The following FER variants were observed in gnomAD, a reference collection of about 807,000 sequenced individuals.
The protein encoded by FER is tyrosine-protein kinase Fer.
FER carries 63 observed loss-of-function variants against 111.0 expected under a neutral mutation model. The ratio of observed to expected loss-of-function variants is 0.57; its 90% CI spans 0.46 to 0.70. The LOEUF (loss-of-function observed/expected upper bound fraction) is 0.70, where lower values mean the gene tolerates loss of function less well. Ranked by LOEUF, FER falls within the 30% of genes least tolerant of loss-of-function variation. The pLI is 0.00. For missense variants in FER, 914 were observed against 954.0 expected (o/e 0.96, Z 0.55); for synonymous variants, 327 against 313.9 (o/e 1.04, Z -0.44).
intron 16 of FER, chr5:109,051,281 G>A (rs1395862028): frequency 7.3e-7 from 1 of 1,364,996 alleles, no homozygotes; most frequent in Non-Finnish European, 1.0e-6. Context: ...CTCCACAAGT[G>A]AGAGGAATCT....
intron 16 of FER, among the ~76,000 whole-genome samples, chr5:109,067,430 GT>G (rs1036146434): frequency 2.0e-5 from 3 of 151,940 alleles, no homozygotes; most frequent in Admixed American, 2.0e-4. Flanking sequence ...GTTTAGTTCT[GT>G]TTTTATCCTT....
intron 3 of FER, among the ~76,000 whole-genome samples, chr5:108,801,934 T>C (rs1756698827): frequency 6.6e-6 from 1 of 152,216 alleles, no homozygotes; most frequent in African/African-American, 2.4e-5. Context: ...AATATTCAAG[T>C]AGCATATACA....
At chr5:108,976,473 C>T (rs565665257) in intron 13 of FER, among the ~76,000 whole-genome samples, 1 of 152,168 alleles carries the variant, frequency 6.6e-6, no homozygotes, top group Non-Finnish European at 1.5e-5. Context: ...TGTTCCCTTT[C>T]CTTTAGCCAC....
At chr5:109,002,807 T>C (rs1303325656) in intron 13 of FER, among the ~76,000 whole-genome samples, 1 of 152,138 alleles carries the variant, frequency 6.6e-6, no homozygotes, top group Admixed American at 6.6e-5. Flanking sequence ...GGGCGAAGGA[T>C]ATGAACAGAC....
intron 2 of FER, among the ~76,000 whole-genome samples, chr5:108,797,591 T>G (rs1377855265): frequency 6.6e-6 from 1 of 152,226 alleles, no homozygotes; most frequent in Admixed American, 6.5e-5. Context: ...GTGCACCATG[T>G]GGCCACTGCT....
chr5:108,877,119 G>T (rs1765166800), intron 8 of FER, among the ~76,000 whole-genome samples: 2 of 152,112 alleles, frequency 1.3e-5, no homozygotes, highest in African/African-American at 4.8e-5. Context: ...AATCAACCTT[G>T]TATTTAATGG....
chr5:108,951,741 G>A (rs1757781185), intron 11 of FER, among the ~76,000 whole-genome samples: 1 of 151,836 alleles, frequency 6.6e-6, no homozygotes, highest in Non-Finnish European at 1.5e-5. Context: ...TTTTCAAAAT[G>A]GTTTATTGTG....
At chr5:108,756,227 G>A (rs970455796) in intron 1 of FER, among the ~76,000 whole-genome samples, 1 of 150,928 alleles carries the variant, frequency 6.6e-6, no homozygotes, top group Admixed American at 6.6e-5. Flanking sequence ...ACTTTCTCTT[G>A]AATTATTTTT....
chr5:109,181,156 CA>C (rs977993729), intron 18 of FER, among the ~76,000 whole-genome samples: 11 of 149,138 alleles, frequency 7.4e-5, no homozygotes, highest in Non-Finnish European at 8.9e-5. Context: ...GTTTTTATAC[CA>C]AAAAAAAATG....
At chr5:108,749,729 C>G (rs1750242831) in intron 1 of FER, among the ~76,000 whole-genome samples, 1 of 152,180 alleles carries the variant, frequency 6.6e-6, no homozygotes, top group Non-Finnish European at 1.5e-5. Context: ...TCGGTAATTT[C>G]TGCTCTGTGG....
intron 10 of FER, among the ~76,000 whole-genome samples, chr5:108,929,403 C>G (rs1581242517): frequency 6.6e-6 from 1 of 152,116 alleles, no homozygotes; most frequent in South Asian, 2.1e-4. Context: ...TAAGTCAATT[C>G]CTATCTCACC....
intron 13 of FER, among the ~76,000 whole-genome samples, chr5:109,035,033 C>CT (rs554716544): frequency 0.087 from 10,388 of 119,642 alleles, 570 homozygotes; most frequent in East Asian, 0.12. Context: ...AGAAATTGAA[C>CT]TTTTTTTTTT....
At chr5:109,016,056 G>A (rs146492787) in intron 13 of FER, among the ~76,000 whole-genome samples, 96 of 152,066 alleles carry the variant, frequency 6.3e-4, no homozygotes, top group African/African-American at 2.2e-3. Flanking sequence ...GAGAACAAAG[G>A]CACCAGGAGC....
chr5:108,863,937 G>A (rs1027299047), intron 5 of FER, among the ~76,000 whole-genome samples: 12 of 152,046 alleles, frequency 7.9e-5, no homozygotes, highest in African/African-American at 2.9e-4. Flanking sequence ...CTTCAGGTGA[G>A]AACTAAATTA....
intron 3 of FER, among the ~76,000 whole-genome samples, chr5:108,825,893 T>C (rs1759416695): frequency 6.6e-6 from 1 of 152,246 alleles, no homozygotes; most frequent in Non-Finnish European, 1.5e-5. Flanking sequence ...TAGACAGTCA[T>C]ACTTTTCTTT....
intron 10 of FER, among the ~76,000 whole-genome samples, chr5:108,917,831 G>A (rs531081871): frequency 6.6e-6 from 1 of 152,336 alleles, no homozygotes; most frequent in East Asian, 1.9e-4. Context: ...TTGGTAATCA[G>A]GCTTTTGTTT....
chr5:108,974,823 A>G (rs1297302583), intron 13 of FER, among the ~76,000 whole-genome samples: 1 of 152,256 alleles, frequency 6.6e-6, no homozygotes, highest in African/African-American at 2.4e-5. Flanking sequence ...AAGGCAAGAA[A>G]TAGATTATTT....
intron 10 of FER, among the ~76,000 whole-genome samples, chr5:108,939,027 T>C (rs1168256230): frequency 6.6e-6 from 1 of 152,072 alleles, no homozygotes; most frequent in Non-Finnish European, 1.5e-5. Flanking sequence ...TGTTTAACTG[T>C]GCATTTCTAA....
intron 17 of FER, among the ~76,000 whole-genome samples, chr5:109,151,392 A>G (rs1415005685): frequency 1.3e-5 from 2 of 152,116 alleles, no homozygotes; most frequent in East Asian, 3.9e-4. Context: ...AAATGCAGAG[A>G]TTACTAAATT....
Sources: allele counts gnomAD v4.1 joint callset (sites outside exome capture counted in the v4.1 genomes callset), GRCh38; gene constraint gnomAD v4.1.1; transcripts MANE v1.5; gene names NCBI Gene and HGNC (gene_info 2026-07-23, HGNC 2026-07-21).